PLCL1: variants seen among roughly 807,000 people sequenced by gnomAD.
PLCL1 encodes phospholipase C like 1 (inactive).
Under a neutral mutation model 84.4 loss-of-function variants are expected in PLCL1, and 41 were observed. That is an observed-to-expected ratio of 0.49 (90% CI 0.38 to 0.63). The LOEUF (loss-of-function observed/expected upper bound fraction) is 0.63. PLCL1 is among the 30% of genes least tolerant of loss of function. The pLI, the probability that PLCL1 is intolerant of heterozygous loss-of-function variation, is 0.00. For synonymous variants in PLCL1, 490 were observed against 488.3 expected (o/e 1.00, Z -0.05); for missense variants, 1,206 against 1,367.8 (o/e 0.88, Z 1.87).
chr2:197,845,266 C>T (rs559039356), intron 1 of PLCL1, among the ~76,000 whole-genome samples: 28 of 152,102 alleles, frequency 1.8e-4, no homozygotes, highest in African/African-American at 6.5e-4. Context: ...CAATTAGCTA[C>T]TAAAATAAAT....
intron 1 of PLCL1, among the ~76,000 whole-genome samples, chr2:197,912,799 TGGGG>T (rs1559043138): frequency 7.8e-4 from 4 of 5,120 alleles, no homozygotes; most frequent in East Asian, 9.8e-3. Context: ...CGTGGTGGGG[TGGGG>T]GGTGGGGGGA....
intron 1 of PLCL1, among the ~76,000 whole-genome samples, chr2:197,935,726 T>C (rs1262945087): frequency 6.6e-6 from 1 of 152,168 alleles, no homozygotes. Context: ...ACAATTTACC[T>C]ATACAACAAA....
intron 1 of PLCL1, among the ~76,000 whole-genome samples, chr2:197,841,160 T>C (rs1559021633): frequency 6.6e-6 from 1 of 152,226 alleles, no homozygotes; most frequent in Non-Finnish European, 1.5e-5. Context: ...ATTTGTTACT[T>C]TGATAAGCCA....
intron 1 of PLCL1, among the ~76,000 whole-genome samples, chr2:197,924,462 TAAC>T (rs747458362): frequency 6.6e-6 from 1 of 152,110 alleles, no homozygotes; most frequent in African/African-American, 2.4e-5. Context: ...TAAATCTTAG[TAAC>T]AACAACAAAC....
At chr2:198,130,681 A>T (rs79916134) in intron 5 of PLCL1, among the ~76,000 whole-genome samples, 1,762 of 152,096 alleles carry the variant, frequency 0.012, 33 homozygotes, top group African/African-American at 0.04. Flanking sequence ...GACAACTCAG[A>T]GTTATCCAAA....
chr2:197,847,472 G>A (rs556158413), intron 1 of PLCL1, among the ~76,000 whole-genome samples: 7 of 152,078 alleles, frequency 4.6e-5, no homozygotes, highest in Non-Finnish European at 7.4e-5. Context: ...ATACAAAAAG[G>A]TAACTGTAGT....
chr2:197,823,812 C>A (rs182618803), intron 1 of PLCL1, among the ~76,000 whole-genome samples: 1 of 152,018 alleles, frequency 6.6e-6, no homozygotes, highest in African/African-American at 2.4e-5. Context: ...ACTTGTTTTA[C>A]GCTTCAAATT....
chr2:198,145,247 A>G (rs1694492114), intron 5 of PLCL1, among the ~76,000 whole-genome samples: 1 of 152,014 alleles, frequency 6.6e-6, no homozygotes, highest in South Asian at 2.1e-4. Context: ...CTCATTCGTG[A>G]TGTCTATAGT....
chr2:197,978,543 C>T (rs1690035445), intron 1 of PLCL1, among the ~76,000 whole-genome samples: 1 of 152,164 alleles, frequency 6.6e-6, no homozygotes, highest in Non-Finnish European at 1.5e-5. Context: ...TTTCTGGCCA[C>T]AAAAACATCA....
At chr2:198,067,151 G>A (rs1304608600) in intron 1 of PLCL1, among the ~76,000 whole-genome samples, 4 of 145,424 alleles carry the variant, frequency 2.8e-5, no homozygotes, top group South Asian at 4.3e-4. Context: ...TTTTAGAGAC[G>A]GAGTTTTGCT....
chr2:197,863,293 A>G (rs1223956661), intron 1 of PLCL1, among the ~76,000 whole-genome samples: 1 of 152,092 alleles, frequency 6.6e-6, no homozygotes, highest in African/African-American at 2.4e-5. Context: ...TCAGTGTTGG[A>G]CAAACTTAAA....
At chr2:198,082,793 G>A (rs16827521) in intron 1 of PLCL1, among the ~76,000 whole-genome samples, 4,610 of 152,252 alleles carry the variant, frequency 0.03, 225 homozygotes, top group African/African-American at 0.1. Context: ...TAGGAAGGAC[G>A]ATAGGTGAGA....
At chr2:198,146,062 A>T (rs1274299474) in intron 5 of PLCL1, among the ~76,000 whole-genome samples, 2 of 152,192 alleles carry the variant, frequency 1.3e-5, no homozygotes, top group East Asian at 3.9e-4. Flanking sequence ...TAAAATAAGA[A>T]ATAAAAATAG....
Position 197,965,499 on chromosome 2 carries a change from A to G in PLCL1, c.241-118259A>G, listed in dbSNP as rs149394380. Among the ~76,000 whole-genome samples, 319 of 152,084 alleles carry G rather than the reference A, an allele frequency of 2.1e-3. 1 individual carries two copies. Among genetic ancestry groups the G allele is most frequent in the African/African-American group, 7.4e-3 (307 of 41,542 alleles). On this transcript the variant is annotated intron_variant, in intron 1 of 5. Transcript: ENST00000428675. ...TTTGTTGATTGTTTTTAATCTTTTC[A>G]AAAAATCAGCTTTTAGTTTCATTGA...
chr2:197,888,052 A>G (rs1003779518), intron 1 of PLCL1, among the ~76,000 whole-genome samples: 4 of 151,888 alleles, frequency 2.6e-5, no homozygotes, highest in Admixed American at 2.0e-4. Flanking sequence ...TGATTGTGCC[A>G]CTGGACTCTA....
chr2:197,903,777 A>G (rs1266145797), intron 1 of PLCL1, among the ~76,000 whole-genome samples: 1 of 140,000 alleles, frequency 7.1e-6, no homozygotes, highest in East Asian at 2.1e-4. Context: ...TGCTGGGATT[A>G]CAGGCGTGAG....
At chr2:198,081,462 G>A (rs781738172) in intron 1 of PLCL1, among the ~76,000 whole-genome samples, 4 of 152,174 alleles carry the variant, frequency 2.6e-5, no homozygotes, top group Non-Finnish European at 5.9e-5. Context: ...GAGCATTTGG[G>A]TTGTGACAAA....
At chr2:197,866,724 C>T (rs1356624767) in intron 1 of PLCL1, among the ~76,000 whole-genome samples, 1 of 152,120 alleles carries the variant, frequency 6.6e-6, no homozygotes, top group East Asian at 1.9e-4. Flanking sequence ...CCAGGGAATT[C>T]AGCTCCAAGC....
intron 1 of PLCL1, among the ~76,000 whole-genome samples, chr2:197,861,439 A>G (rs561517554): frequency 2.6e-5 from 4 of 152,254 alleles, no homozygotes; most frequent in African/African-American, 9.6e-5. Flanking sequence ...CCTTTGTAAC[A>G]TCGTTTTAAA....
Sources: gnomAD v4.1 joint callset for allele counts (sites outside exome capture counted in the v4.1 genomes callset) on GRCh38, gnomAD v4.1.1 for gene constraint, MANE v1.5 for transcripts, NCBI Gene and HGNC (gene_info 2026-07-23, HGNC 2026-07-21) for gene names.